Variants in CYP11A1 observed in about 807,000 individuals in gnomAD.
The protein encoded by CYP11A1 is cholesterol side-chain cleavage enzyme, mitochondrial.
Under a neutral mutation model 51.9 loss-of-function variants are expected in CYP11A1, and 25 were observed. The observed-to-expected ratio is 0.48, with a 90% CI of 0.35 to 0.67. The LOEUF (loss-of-function observed/expected upper bound fraction) is 0.67. Ranked by LOEUF, CYP11A1 falls within the 30% of genes least tolerant of loss-of-function variation. The probability of loss-of-function intolerance (pLI) is 0.00; values close to 1 mark genes in which losing one functional copy is unlikely to be tolerated. For missense variants in CYP11A1, 578 were observed against 680.9 expected, an observed-to-expected ratio of 0.85 and a Z score of 1.68; for synonymous variants, 245 against 262.1, an observed-to-expected ratio of 0.93 and a Z score of 0.63.
chr15:74,341,514 C>A (rs975966988), intron 5 of CYP11A1, among the ~76,000 whole-genome samples: 2 of 152,200 alleles, frequency 1.3e-5, no homozygotes, highest in African/African-American at 4.8e-5. Flanking sequence ...CTGCAAGACA[C>A]GCACGTTGAA....
At chr15:74,351,722 C>T (rs1235627685) in intron 1 of CYP11A1, among the ~76,000 whole-genome samples, 1 of 152,142 alleles carries the variant, frequency 6.6e-6, no homozygotes, top group African/African-American at 2.4e-5. Flanking sequence ...GCTGTTTGGC[C>T]CCAACATTGT....
intron 1 of CYP11A1, chr15:74,365,396 G>A (rs2060727723): frequency 6.6e-6 from 1 of 152,310 alleles, no homozygotes; most frequent in South Asian, 2.1e-4. Flanking sequence ...AGAGCCTCAG[G>A]GCCAAGGGGT....
At chr15:74,356,359 TCTGA>T (rs1431333250) in intron 1 of CYP11A1, 4 of 152,380 alleles carry the variant, frequency 2.6e-5, no homozygotes, top group African/African-American at 9.6e-5. Flanking sequence ...CCCAAGGCTA[TCTGA>T]CTGACTCCTT....
chr15:74,361,882 A>C, intron 1 of CYP11A1: 1 of 1,123,908 alleles, frequency 8.9e-7, no homozygotes, highest in Non-Finnish European at 1.4e-6. Context: ...AACGGTTCCC[A>C]GTTTTTCATC....
At position 74,345,833 on chromosome 15, in the gene CYP11A1, G is replaced by T. The variant is rs768536033; in HGVS notation, c.426-590C>A. Among the ~76,000 whole-genome samples, 2 of 152,132 alleles carry T rather than the reference G, an allele frequency of 1.3e-5. No homozygotes were observed. Among genetic ancestry groups the T allele is most frequent in the Non-Finnish European group, 2.9e-5 (2 of 68,028 alleles). ...GCAAAGTCCTCTTCGTGACTTGGGGGTGTTTTTGTTGATAAGAATATTATC... is the reference window on the plus strand; with the variant it reads ...GCAAAGTCCTCTTCGTGACTTGGGGTTGTTTTTGTTGATAAGAATATTATC... On this transcript the variant is annotated intron_variant, in intron 2 of 8. Transcript: ENST00000268053. This position sits in a 1 kb window ranked among gnomAD's most constrained non-coding sequence, Gnocchi z 4.3.
intron 1 of CYP11A1, among the ~76,000 whole-genome samples, chr15:74,357,934 G>A (rs1462618043): frequency 6.6e-6 from 1 of 152,150 alleles, no homozygotes; most frequent in African/African-American, 2.4e-5. Context: ...CTACCTCTCA[G>A]CAAGCTGAAC....
At chr15:74,346,144 G>A (rs1042944731) in intron 2 of CYP11A1, among the ~76,000 whole-genome samples, 3 of 152,178 alleles carry the variant, frequency 2.0e-5, no homozygotes, top group African/African-American at 7.2e-5. Context: ...CCTGAGGTCA[G>A]GAGTTCGAGA....
At chr15:74,365,045 C>T (rs540637671) in intron 1 of CYP11A1, among the ~76,000 whole-genome samples, 4 of 152,226 alleles carry the variant, frequency 2.6e-5, no homozygotes, top group Non-Finnish European at 5.9e-5. Context: ...GTCATCAAGC[C>T]GGCCAACACA....
Position 74,348,029 on chromosome 15 carries a change from A to G in CYP11A1, c.296T>C (p.Val99Ala). The G allele has an allele frequency of 6.2e-7, 1 of 1,613,784 alleles. No individual in the cohort carries two copies. ...CACATCTTCAGGGTCGATGACATAAACCGACTCCACGTTGCCGAGCTTCTC... is the reference window on the plus strand; with the variant it reads ...CACATCTTCAGGGTCGATGACATAAGCCGACTCCACGTTGCCGAGCTTCTC... ...YREKLGNVES[V>A]YVIDPEDVAL... is the part of the protein sequence containing the mutation. The change falls in exon 2 of 9, where the codon GTT becomes GCT. Residue 99 changes from valine (V) to alanine (A), a missense_variant. Coordinates refer to ENST00000268053, the MANE Select transcript of CYP11A1 (RefSeq NM_000781.3).
In CYP11A1 at chr15:74,338,759, G is replaced by C. The variant is rs1344040376; in HGVS notation, c.1246C>G (p.Gln416Glu). The C allele has an allele frequency of 2.5e-6, 4 of 1,614,090 alleles. No homozygotes were observed. In the South Asian group the frequency reaches 4.4e-5, roughly 18 times the overall value. ...CGGCCCAGAGCATAGATGGCCACTT[G>C]CACCAGTGTCTGGGGCAAGGTGATC... ...DYMIPAKTLV[Q>E]VAIYALGREP... The change falls in exon 8 of 9, where the codon CAA (glutamine) becomes GAA (glutamate). Residue 416 changes from glutamine (Q) to glutamate (E), a missense_variant. Physicochemically the swap from Gln to Glu is conservative, Grantham distance 29 (BLOSUM62 2). Transcript: ENST00000268053.
chr15:74,365,571 G>C, intron 1 of CYP11A1: 2 of 633,058 alleles, frequency 3.2e-6, no homozygotes, highest in Non-Finnish European at 3.9e-6. Flanking sequence ...ACCTCTCTCC[G>C]AGAGTTTCAA....
Position 74,337,932 on chromosome 15 carries a change from TG to T in CYP11A1, c.*39del. ...GCAGAGACCCCATGGGCCCCACCCCTGGGCCTTCCTCCCATGTGGCTGCAGG... is the reference window on the plus strand; with the variant it reads ...GCAGAGACCCCATGGGCCCCACCCCTGGCCTTCCTCCCATGTGGCTGCAGG... On this transcript the variant is annotated 3_prime_UTR_variant, in exon 9 of 9. Coordinates refer to ENST00000268053, the MANE Select transcript of CYP11A1 (RefSeq NM_000781.3). The T allele has an allele frequency of 6.2e-7, 1 of 1,612,718 alleles. No homozygotes were observed.
At chr15:74,349,544 C>T (rs1443862463) in intron 1 of CYP11A1, among the ~76,000 whole-genome samples, 1 of 152,162 alleles carries the variant, frequency 6.6e-6, no homozygotes, top group African/African-American at 2.4e-5. Context: ...TTTGCACTAA[C>T]TAGCTCCATA....
In CYP11A1 at chr15:74,345,926, C is replaced by T. The variant is rs2060630715; in HGVS notation, c.426-683G>A. Among the ~76,000 whole-genome samples the T allele has an allele frequency of 6.6e-6, 1 of 152,198 alleles. No individual in the cohort carries two copies. On this transcript the variant is annotated intron_variant, in intron 2 of 8. Coordinates refer to ENST00000268053, the MANE Select transcript of CYP11A1 (RefSeq NM_000781.3). This position sits in a 1 kb window ranked among gnomAD's most constrained non-coding sequence, Gnocchi z 4.3. ...ACTTACACTTGCCCTCCTGGTCCTT[C>T]CACATCCTTTGTTCCCTTCTAAGGA...
Position 74,345,342 on chromosome 15 carries a change from G to A in CYP11A1, c.426-99C>T. On this transcript the variant is annotated intron_variant, in intron 2 of 8. Transcript: ENST00000268053. The surrounding 1 kb of genome is among the most constrained non-coding windows in gnomAD (Gnocchi z 4.3). ...AGTTTTCCCAGGAAGCTGAGTCACA[G>A]CTCACAGCATCCAGCACTCCCACCA... 1 of 1,321,546 alleles carries A rather than the reference G, an allele frequency of 7.6e-7. No homozygotes were observed. The highest frequency in any genetic ancestry group is 1.2e-5 in the South Asian group (1 of 80,958). 81.9% of individuals were successfully genotyped at this position (1,321,546 alleles called of 1,614,324 possible).
At chr15:74,355,660 C>T (rs929090869) in intron 1 of CYP11A1, among the ~76,000 whole-genome samples, 4 of 152,202 alleles carry the variant, frequency 2.6e-5, no homozygotes, top group African/African-American at 7.2e-5. Context: ...TCTCCCCAAA[C>T]CCAGTCCAGC....
intron 1 of CYP11A1, among the ~76,000 whole-genome samples, chr15:74,360,610 T>C (rs1201192353): frequency 6.6e-6 from 1 of 150,716 alleles, no homozygotes; most frequent in African/African-American, 2.4e-5. Flanking sequence ...ATGTTAAAAT[T>C]CGCCATTATA....
chr15:74,338,104 CT>C lies in CYP11A1; in HGVS notation c.1435-2del. 6.2e-7 allele frequency: 1 copy of C among 1,614,188 alleles called. No homozygotes were observed. The highest frequency in any genetic ancestry group is 8.5e-7 in the Non-Finnish European group (1 of 1,180,022). On this transcript the variant is annotated splice_acceptor_variant, in intron 8 of 8. Coordinates refer to ENST00000268053, the MANE Select transcript of CYP11A1 (RefSeq NM_000781.3). LOFTEE classifies it high-confidence loss of function. ...TTTCAACTCTGAAGTTCTCCAGCATCTGAGAAAGGCAGATGGTAGGTTTAGG... is the reference window on the plus strand; with the variant it reads ...TTTCAACTCTGAAGTTCTCCAGCATCGAGAAAGGCAGATGGTAGGTTTAGG...
At chr15:74,343,321 C>A (rs564931451) in intron 4 of CYP11A1, among the ~76,000 whole-genome samples, 184 bp from the exon 5 acceptor site, 2 of 152,134 alleles carry the variant, frequency 1.3e-5, no homozygotes, top group African/African-American at 2.4e-5. Flanking sequence ...TCATCGAATT[C>A]TTGGGGTATG....
Sources: allele counts gnomAD v4.1 joint callset (sites outside exome capture counted in the v4.1 genomes callset), GRCh38; gene constraint gnomAD v4.1.1; non-coding constraint Gnocchi (gnomAD v3.1); transcripts MANE v1.5; gene names NCBI Gene and HGNC (gene_info 2026-07-23, HGNC 2026-07-21).